The following RPL39L variants were observed in gnomAD, a reference collection of about 807,000 sequenced individuals.
RPL39L encodes the protein ribosomal protein eL39-like 2.
For synonymous variants in RPL39L, 16 were observed against 20.1 expected (o/e 0.80, Z 0.55); for missense variants, 48 against 58.9 (o/e 0.81, Z 0.61).
intron 2 of RPL39L, among the ~76,000 whole-genome samples, chr3:187,127,390 A>C (rs542997432): frequency 6.6e-6 from 1 of 152,356 alleles, no homozygotes; most frequent in Admixed American, 6.5e-5. Flanking sequence ...CACTTTGAGA[A>C]CCACTAGTAT....
chr3:187,122,462 TCA>T (rs1720329844), intron 2 of RPL39L, among the ~76,000 whole-genome samples: 1 of 152,136 alleles, frequency 6.6e-6, no homozygotes, highest in South Asian at 2.1e-4. Flanking sequence ...CTGTCTGAGT[TCA>T]CACACAGTGT....
intron 1 of RPL39L, among the ~76,000 whole-genome samples, chr3:187,137,162 G>T (rs1461116517): frequency 8.1e-6 from 1 of 122,968 alleles, no homozygotes; most frequent in African/African-American, 3.2e-5. Context: ...TTGAGTCAAT[G>T]CACTCCAGCT....
intron 1 of RPL39L, among the ~76,000 whole-genome samples, chr3:187,132,470 G>T (rs1325247870): frequency 1.3e-5 from 2 of 152,182 alleles, no homozygotes; most frequent in Non-Finnish European, 2.9e-5. Context: ...GTTCATTTAG[G>T]TAATCAGGTA....
chr3:187,125,011 A>T (rs1010340036), intron 2 of RPL39L, among the ~76,000 whole-genome samples: 3 of 152,332 alleles, frequency 2.0e-5, no homozygotes, highest in Middle Eastern at 3.4e-3. Context: ...TGGTAGCCAT[A>T]ATAAATGTGG....
intron 1 of RPL39L, among the ~76,000 whole-genome samples, chr3:187,136,921 T>TG (rs1720589574): frequency 6.6e-6 from 1 of 151,992 alleles, no homozygotes; most frequent in Non-Finnish European, 1.5e-5. Flanking sequence ...AAAGGAGACT[T>TG]TAGGCTGAGT....
chr3:187,135,423 T>G (rs1040731742), intron 1 of RPL39L, among the ~76,000 whole-genome samples: 8 of 152,218 alleles, frequency 5.3e-5, no homozygotes, highest in Non-Finnish European at 1.2e-4. Flanking sequence ...ATAAGTCTCA[T>G]GAGCTCTGAT....
At chr3:187,128,171 G>T (rs1406120240) in intron 1 of RPL39L, 109 bp from the exon 2 acceptor site, 1 of 152,140 alleles carries the variant, frequency 6.6e-6, no homozygotes, top group African/African-American at 2.4e-5. Flanking sequence ...TGAAATTTGT[G>T]AAAACCTTAA....
intron 2 of RPL39L, among the ~76,000 whole-genome samples, chr3:187,124,599 A>C (rs1473028722): frequency 6.6e-6 from 1 of 152,194 alleles, no homozygotes; most frequent in Non-Finnish European, 1.5e-5. Flanking sequence ...TGAGAGTTCA[A>C]GGCACTAGTG....
intron 1 of RPL39L, among the ~76,000 whole-genome samples, chr3:187,133,933 T>C (rs1324195184): frequency 3.3e-5 from 5 of 152,096 alleles, no homozygotes; most frequent in South Asian, 4.1e-4. Context: ...TTTTGGGGCA[T>C]AGATTATCTC....
At chr3:187,132,147 A>G (rs1560201066) in intron 1 of RPL39L, among the ~76,000 whole-genome samples, 2 of 152,230 alleles carry the variant, frequency 1.3e-5, no homozygotes, top group Non-Finnish European at 2.9e-5. Flanking sequence ...ATAAAATAAC[A>G]CAATACCAGA....
chr3:187,126,008 T>C (rs1012889397), intron 2 of RPL39L, among the ~76,000 whole-genome samples: 4 of 152,176 alleles, frequency 2.6e-5, no homozygotes, highest in African/African-American at 9.7e-5. Flanking sequence ...GTCATAAGGT[T>C]AAAGGTCATA....
intron 1 of RPL39L, among the ~76,000 whole-genome samples, chr3:187,130,198 A>G (rs1720463240): frequency 6.6e-6 from 1 of 152,118 alleles, no homozygotes; most frequent in Non-Finnish European, 1.5e-5. Context: ...GTCATTTGTG[A>G]ATCTACTTTG....
At chr3:187,132,858 A>C (rs1720509127) in intron 1 of RPL39L, among the ~76,000 whole-genome samples, 1 of 152,226 alleles carries the variant, frequency 6.6e-6, no homozygotes, top group African/African-American at 2.4e-5. Context: ...GGCAAACTGG[A>C]ACAACTGGTC....
chr3:187,137,455 A>G (rs1282168731), intron 1 of RPL39L, among the ~76,000 whole-genome samples: 1 of 152,196 alleles, frequency 6.6e-6, no homozygotes, highest in Non-Finnish European at 1.5e-5. Context: ...GGCTGCAGTG[A>G]GCCGAGGTTG....
intron 2 of RPL39L, 108 bp from the exon 3 acceptor site, chr3:187,121,436 G>A (rs1444501262): frequency 4.4e-6 from 5 of 1,133,674 alleles, no homozygotes; most frequent in South Asian, 1.6e-5. Flanking sequence ...GTGCCACAGC[G>A]AGGGCTCATT....
At chr3:187,128,247 T>A (rs565235041) in intron 1 of RPL39L, among the ~76,000 whole-genome samples, 185 bp from the exon 2 acceptor site, 1 of 152,316 alleles carries the variant, frequency 6.6e-6, no homozygotes, top group South Asian at 2.1e-4. Context: ...ACACGTAATA[T>A]TAAACTGATC....
At chr3:187,132,339 G>C (rs778172471) in intron 1 of RPL39L, among the ~76,000 whole-genome samples, 4 of 152,038 alleles carry the variant, frequency 2.6e-5, no homozygotes, top group Non-Finnish European at 5.9e-5. Flanking sequence ...TTTGAAAAAA[G>C]TTTTGCTCAA....
chr3:187,134,483 T>TAAAAAAAAGAAAAAAAA (rs1720539115), intron 1 of RPL39L, among the ~76,000 whole-genome samples: 2 of 93,426 alleles, frequency 2.1e-5, no homozygotes, highest in African/African-American at 8.5e-5. Context: ...GCCTGACTGA[T>TAAAAAAAAGAAAAAAAA]AAAAAAAAAA....
At chr3:187,135,578 T>G (rs1333478487) in intron 1 of RPL39L, among the ~76,000 whole-genome samples, 2 of 152,144 alleles carry the variant, frequency 1.3e-5, no homozygotes, top group East Asian at 3.8e-4. Context: ...TAAACCTCCT[T>G]CTTTTGTAAA....
Sources: allele counts gnomAD v4.1 joint callset (sites outside exome capture counted in the v4.1 genomes callset), GRCh38; gene constraint gnomAD v4.1.1; transcripts MANE v1.5; gene names NCBI Gene and HGNC (gene_info 2026-07-23, HGNC 2026-07-21).